The following DGKB variants were observed in gnomAD, a reference collection of about 807,000 sequenced individuals.
The protein encoded by DGKB is 90 kDa diacylglycerol kinase.
A neutral mutation model predicts 114.3 loss-of-function variants in DGKB; 67 were observed. The observed-to-expected ratio is 0.59, with a 90% CI of 0.48 to 0.72. DGKB has a LOEUF of 0.72. Ranked by LOEUF, DGKB falls within the 30% of genes least tolerant of loss-of-function variation. DGKB has a pLI of 0.00. For missense variants in DGKB, 907 were observed against 975.2 expected (o/e 0.93, Z 0.93); for synonymous variants, 398 against 323.1 (o/e 1.23, Z -2.49).
intron 17 of DGKB, among the ~76,000 whole-genome samples, chr7:14,596,649 A>G (rs1387223628): frequency 3.3e-5 from 5 of 152,192 alleles, no homozygotes; most frequent in Non-Finnish European, 5.9e-5. Context: ...GCTCATTCCA[A>G]TGCTACTAGT....
At chr7:14,404,361 T>C (rs1467529448) in intron 21 of DGKB, among the ~76,000 whole-genome samples, 1 of 151,868 alleles carries the variant, frequency 6.6e-6, no homozygotes, top group East Asian at 1.9e-4. Context: ...ATTATGCTGT[T>C]ACATACACAC....
chr7:14,606,047 T>C (rs1804446837), intron 17 of DGKB, among the ~76,000 whole-genome samples: 1 of 152,144 alleles, frequency 6.6e-6, no homozygotes, highest in African/African-American at 2.4e-5. Flanking sequence ...TTGGTTTGAT[T>C]CAACTTACAG....
chr7:14,861,800 C>T (rs1445287004), intron 1 of DGKB, among the ~76,000 whole-genome samples: 1 of 151,916 alleles, frequency 6.6e-6, no homozygotes, highest in East Asian at 1.9e-4. Context: ...GAACTGAATT[C>T]CTTCATTTTC....
chr7:14,698,545 C>A (rs1568847), intron 7 of DGKB, among the ~76,000 whole-genome samples: 87,491 of 151,860 alleles, frequency 0.58, 25,880 homozygotes, highest in East Asian at 0.87. Flanking sequence ...AAAGGGTGGA[C>A]AAATCATTTG....
At chr7:14,379,638 C>A (rs1819078890) in intron 21 of DGKB, among the ~76,000 whole-genome samples, 1 of 152,098 alleles carries the variant, frequency 6.6e-6, no homozygotes, top group Non-Finnish European at 1.5e-5. Context: ...CGGCTCACTG[C>A]AACCTCCGCC....
intron 15 of DGKB, among the ~76,000 whole-genome samples, chr7:14,615,034 A>G (rs1159044212): frequency 1.3e-5 from 2 of 152,072 alleles, no homozygotes; most frequent in African/African-American, 2.4e-5. Flanking sequence ...AACTATATCT[A>G]AAAACCTGTG....
chr7:14,571,121 G>A (rs551852130), intron 20 of DGKB, among the ~76,000 whole-genome samples: 1 of 152,244 alleles, frequency 6.6e-6, no homozygotes, highest in Admixed American at 6.5e-5. Context: ...CCTCTGTTGA[G>A]AACCACTGGA....
intron 1 of DGKB, among the ~76,000 whole-genome samples, chr7:14,908,414 T>C (rs1783821100): frequency 6.6e-6 from 1 of 152,192 alleles, no homozygotes; most frequent in Admixed American, 6.5e-5. Context: ...TTTTCAGTTG[T>C]ATTGATATGG....
At position 14,919,101 on chromosome 7, in the gene DGKB, C is replaced by CAA. The variant is rs1403689936; in HGVS notation, c.-188+55594_-188+55595insTT. Among the ~76,000 whole-genome samples, 469 of 140,962 alleles carry CAA rather than the reference C, an allele frequency of 3.3e-3. 1 individual carries two copies. Among genetic ancestry groups the CAA allele is most frequent in the South Asian group, 0.015 (66 of 4,476 alleles). 92.5% of individuals were successfully genotyped at this position (140,962 alleles called of 152,430 possible). On this transcript the variant is annotated intron_variant, in intron 1 of 4. Transcript: ENST00000437998. ...ACACACACACACACACACAAACACACACACACACACACACACACACACAAA... is the reference window on the plus strand; with the variant it reads ...ACACACACACACACACACAAACACACAAACACACACACACACACACACACAAA...
intron 2 of DGKB, among the ~76,000 whole-genome samples, chr7:14,774,062 A>G (rs889793075): frequency 6.6e-6 from 1 of 152,098 alleles, no homozygotes; most frequent in African/African-American, 2.4e-5. Flanking sequence ...ACACTCCATT[A>G]GTGTTATTTA....
At chr7:14,697,768 GAAACAAAGAGAA>G (rs1319731236) in intron 8 of DGKB, among the ~76,000 whole-genome samples, 3 of 121,524 alleles carry the variant, frequency 2.5e-5, no homozygotes, top group African/African-American at 1.2e-4. Flanking sequence ...AAGAAAGAAA[GAAACAAAGAGAA>G]AGAAAGAAAG....
At chr7:14,859,909 A>G (rs372652522) in intron 1 of DGKB, among the ~76,000 whole-genome samples, 1 of 152,050 alleles carries the variant, frequency 6.6e-6, no homozygotes, top group African/African-American at 2.4e-5. Context: ...CACAGCACCA[A>G]CTTTCACCGA....
chr7:14,790,387 C>A (rs1361714676), intron 2 of DGKB, among the ~76,000 whole-genome samples: 3 of 152,014 alleles, frequency 2.0e-5, no homozygotes, highest in Non-Finnish European at 4.4e-5. Flanking sequence ...CAAAGATTTT[C>A]TTTTATGTTA....
At chr7:14,591,659 C>CT (rs1801727133) in intron 17 of DGKB, among the ~76,000 whole-genome samples, 1 of 152,036 alleles carries the variant, frequency 6.6e-6, no homozygotes, top group African/African-American at 2.4e-5. Context: ...GTTAACGACA[C>CT]TTTTTTGTAC....
At chr7:14,673,054 T>C in intron 12 of DGKB, 27 bp from the exon 13 acceptor site, 1 of 1,396,228 alleles carries the variant, frequency 7.2e-7, no homozygotes, top group Non-Finnish European at 1.0e-6. Flanking sequence ...GGGGATAGTA[T>C]CAAATTCTAC....
intron 1 of DGKB, among the ~76,000 whole-genome samples, chr7:14,973,427 T>C (rs1787595322): frequency 6.6e-6 from 1 of 151,830 alleles, no homozygotes; most frequent in African/African-American, 2.4e-5. Context: ...CAGAAATTGA[T>C]ACAATAACAT....
At chr7:14,402,851 AG>A (rs1823352481) in intron 21 of DGKB, among the ~76,000 whole-genome samples, 1 of 151,910 alleles carries the variant, frequency 6.6e-6, no homozygotes, top group Non-Finnish European at 1.5e-5. Context: ...GAAAGCCTTA[AG>A]AAAAGAGATC....
At chr7:14,260,815 G>GT (rs144541995) in intron 23 of DGKB, among the ~76,000 whole-genome samples, 1,542 of 152,192 alleles carry the variant, frequency 0.01, 33 homozygotes, top group African/African-American at 0.036. Flanking sequence ...TTTATATCAG[G>GT]TAAGGTTATA....
intron 25 of DGKB, among the ~76,000 whole-genome samples, chr7:14,170,016 C>A (rs1029493955): frequency 6.6e-6 from 1 of 151,492 alleles, no homozygotes; most frequent in Non-Finnish European, 1.5e-5. Context: ...TGCCTGTAAT[C>A]CCAGCTACTT....
Sources: allele counts gnomAD v4.1 joint callset (sites outside exome capture counted in the v4.1 genomes callset), GRCh38; gene constraint gnomAD v4.1.1; transcripts MANE v1.5; gene names NCBI Gene and HGNC (gene_info 2026-07-23, HGNC 2026-07-21).